Variants in ELF1 observed in about 807,000 individuals in gnomAD.
ELF1 encodes E74 like ETS transcription factor 1, also known as ETS-related transcription factor Elf-1.
A neutral mutation model predicts 59.9 loss-of-function variants in ELF1; 24 were observed. That is an observed-to-expected ratio of 0.40 (90% CI 0.29 to 0.56). The LOEUF is 0.56. Among genes scored for constraint, ELF1 ranks in the 20% least tolerant of loss-of-function variants. ELF1 has a pLI of 0.44. For synonymous variants in ELF1, 248 were observed against 266.2 expected, an observed-to-expected ratio of 0.93 and a Z score of 0.67; for missense variants, 627 against 742.2, an observed-to-expected ratio of 0.84 and a Z score of 1.80.
intron 1 of ELF1, among the ~76,000 whole-genome samples, chr13:41,001,525 T>C (rs1874445379): frequency 6.6e-6 from 1 of 152,060 alleles, no homozygotes; most frequent in Admixed American, 6.5e-5. Context: ...GTCTTCAAAA[T>C]AGAATATAAA....
intron 1 of ELF1, among the ~76,000 whole-genome samples, chr13:41,036,645 G>A (rs967575596): frequency 6.6e-5 from 10 of 152,152 alleles, no homozygotes; most frequent in Non-Finnish European, 1.3e-4. Context: ...CTATGAAGAC[G>A]CATGCATACG....
At chr13:40,935,572 C>T (rs1004553825) in intron 8 of ELF1, among the ~76,000 whole-genome samples, 1 of 152,148 alleles carries the variant, frequency 6.6e-6, no homozygotes, top group Non-Finnish European at 1.5e-5. Context: ...ATACAGATTA[C>T]CAAACTTAGA....
At chr13:41,047,702 C>T (rs548929349) in intron 1 of ELF1, among the ~76,000 whole-genome samples, 53 of 152,352 alleles carry the variant, frequency 3.5e-4, no homozygotes, top group African/African-American at 1.3e-3. Flanking sequence ...AGGGGTGCCT[C>T]CCAGTTAGGC....
At chr13:40,941,505 CTGT>C in intron 7 of ELF1, 135 bp from the exon 8 acceptor site, 1 of 792,446 alleles carries the variant, frequency 1.3e-6, no homozygotes, top group Non-Finnish European at 2.0e-6. Flanking sequence ...AAATAAAGGG[CTGT>C]TATTTTATAT....
rs1566205406 is a variant in ELF1 at position 41,060,917 on chromosome 13, C to CT, written c.-309_-308insA. ...TCTGCGCTACTGAAGCTGCTGCTGC[C>CT]GCCGCCGCCGCCGCCGCCGCCGCCG... is the stretch of plus-strand genomic sequence containing the variant. On this transcript the variant is annotated 5_prime_UTR_variant, in exon 1 of 2. Coordinates refer to the ELF1 transcript ENST00000405737. 138 of 30,712 alleles carry CT rather than the reference C, an allele frequency of 4.5e-3. 13 individuals are homozygous for CT. The highest frequency in any genetic ancestry group is 0.015 in the East Asian group (101 of 6,674). 1.9% of individuals were successfully genotyped at this position (30,712 alleles called of 1,614,324 possible). A position where few individuals can be genotyped will look rare whatever the true frequency, so the allele number is the denominator to read the frequency against.
intron 1 of ELF1, among the ~76,000 whole-genome samples, chr13:41,054,880 T>C (rs1877229241): frequency 6.6e-6 from 1 of 152,208 alleles, no homozygotes; most frequent in Non-Finnish European, 1.5e-5. Flanking sequence ...TTACCAGAAA[T>C]CTCTTTTCCT....
chr13:41,040,636 C>G (rs1031035969), intron 1 of ELF1, among the ~76,000 whole-genome samples: 1 of 152,084 alleles, frequency 6.6e-6, no homozygotes, highest in South Asian at 2.1e-4. Context: ...GTTCACAATA[C>G]GGTTCATATT....
intron 2 of ELF1, among the ~76,000 whole-genome samples, chr13:40,971,804 ATC>A (rs1027254735): frequency 6.6e-6 from 1 of 152,212 alleles, no homozygotes; most frequent in Non-Finnish European, 1.5e-5. Context: ...TTGGCCATAC[ATC>A]TCAAAAAGTA....
chr13:40,959,016 G>A lies in ELF1; in HGVS notation c.73C>T (p.Leu25Phe), dbSNP rs757178730. 2.5e-6 allele frequency: 4 copies of A among 1,609,546 alleles called. No individual in the cohort carries two copies. In the South Asian group the frequency reaches 4.4e-5, roughly 18 times the overall value. The change falls in exon 3 of 9, where the codon CTT becomes TTT. Residue 25 changes from leucine to phenylalanine, a missense_variant and splice_region_variant. Physicochemically the swap from Leu to Phe is conservative, Grantham distance 22. Transcript: ENST00000239882. ...GCAGGAAAAATAGCTGGATCACCAA[G>A]CTGGGAAGGGTTAGGGAGAGGAAAA... ...ASNVMEDERQ[L>F]GDPAIFPAVI...
At chr13:41,000,131 T>C (rs1874339382) in intron 1 of ELF1, among the ~76,000 whole-genome samples, 1 of 152,002 alleles carries the variant, frequency 6.6e-6, no homozygotes, top group Non-Finnish European at 1.5e-5. Context: ...AAATACAGAC[T>C]GCTATCACCA....
chr13:41,060,108 C>G (rs1195001544), intron 1 of ELF1, among the ~76,000 whole-genome samples: 1 of 152,188 alleles, frequency 6.6e-6, no homozygotes, highest in Non-Finnish European at 1.5e-5. Flanking sequence ...GCCGGCCTCG[C>G]GCTTGCTCAG....
chr13:40,986,676 G>C (rs989363171), intron 1 of ELF1, among the ~76,000 whole-genome samples: 4 of 151,984 alleles, frequency 2.6e-5, no homozygotes, highest in African/African-American at 9.7e-5. Context: ...CCCTAACACA[G>C]AGTCCCATTA....
intron 8 of ELF1, among the ~76,000 whole-genome samples, chr13:40,934,359 T>C (rs540974830): frequency 4.7e-4 from 72 of 151,894 alleles, no homozygotes; most frequent in African/African-American, 1.6e-3. Context: ...AGCAAGAAGT[T>C]TGCATGAGCT....
chr13:41,032,380 G>C (rs1876201496), intron 1 of ELF1, among the ~76,000 whole-genome samples: 2 of 151,660 alleles, frequency 1.3e-5, no homozygotes, highest in African/African-American at 2.4e-5. Context: ...ACCATGCCCA[G>C]CTAATTTTTG....
At chr13:41,011,824 G>A (rs1875082504) in intron 1 of ELF1, among the ~76,000 whole-genome samples, 1 of 151,278 alleles carries the variant, frequency 6.6e-6, no homozygotes, top group Non-Finnish European at 1.5e-5. Context: ...AACTCCTGGG[G>A]TCATGCATTC....
chr13:40,968,738 T>A (rs1593369123), intron 2 of ELF1, among the ~76,000 whole-genome samples: 1 of 151,464 alleles, frequency 6.6e-6, no homozygotes, highest in Non-Finnish European at 1.5e-5. Flanking sequence ...TTTTTTTTTT[T>A]AGACAGGGTC....
At chr13:41,060,880 GC>G in exon 1 of ELF1, 1 of 337,618 alleles carries the variant, frequency 3.0e-6, no homozygotes, top group Non-Finnish European at 5.8e-6. Flanking sequence ...CGCACCTCTC[GC>G]CACCGCCGCC....
chr13:40,965,547 G>A (rs766677022), intron 2 of ELF1, among the ~76,000 whole-genome samples: 31 of 151,934 alleles, frequency 2.0e-4, no homozygotes, highest in Non-Finnish European at 3.1e-4. Context: ...CTTGAATCTG[G>A]TAGGCAGAGG....
intron 1 of ELF1, among the ~76,000 whole-genome samples, chr13:41,004,068 A>G (rs369438769): frequency 4.6e-4 from 70 of 152,166 alleles, no homozygotes; most frequent in African/African-American, 1.5e-3. Flanking sequence ...CCCAACAAGT[A>G]TTTATGAAAT....
Sources: gnomAD v4.1 joint callset for allele counts (sites outside exome capture counted in the v4.1 genomes callset) on GRCh38, gnomAD v4.1.1 for gene constraint, MANE v1.5 for transcripts, NCBI Gene and HGNC (gene_info 2026-07-23, HGNC 2026-07-21) for gene names.